CHD1: variants seen among roughly 807,000 people sequenced by gnomAD.
CHD1 encodes the protein ATP-dependent chromatin remodeler CHD1.
A neutral mutation model predicts 224.2 loss-of-function variants in CHD1; 36 were observed. That is an observed-to-expected ratio of 0.16 (90% CI 0.12 to 0.21). The LOEUF (loss-of-function observed/expected upper bound fraction) is 0.21. Among genes scored for constraint, CHD1 ranks in the 10% least tolerant of loss-of-function variants. CHD1 has a pLI of 1.00. For synonymous variants in CHD1, 668 were observed against 658.3 expected (o/e 1.01, Z -0.23); for missense variants, 1,378 against 1,994.8 (o/e 0.69, Z 5.89).
chr5:98,876,666 A>G (rs1749786252), intron 23 of CHD1, 108 bp from the exon 24 acceptor site: 2 of 911,624 alleles, frequency 2.2e-6, no homozygotes, highest in Non-Finnish European at 3.3e-6. Context: ...TATTAAATGT[A>G]TCAAAAACAT....
intron 2 of CHD1, among the ~76,000 whole-genome samples, chr5:98,913,300 A>G (rs907206095): frequency 6.6e-6 from 1 of 152,122 alleles, no homozygotes; most frequent in Non-Finnish European, 1.5e-5. Context: ...ATGAGATCCC[A>G]TCTCTACAAA....
In CHD1 at chr5:98,856,435, T is replaced by G. The variant is rs1049198675; in HGVS notation, c.5078A>C (p.His1693Pro). 2 of 1,611,220 alleles carry G rather than the reference T, an allele frequency of 1.2e-6. No homozygotes were observed. Among genetic ancestry groups the G allele is most frequent in the African/African-American group, 2.7e-5 (2 of 73,626 alleles). ...CGGTGTACTTTTGTGTTCAACTGAA[T>G]GTTCAAATGGAGATCTGGAGCCATA... ...SPYGSRSPFE[H>P]SVEHKSTPEH... Residue 1693 changes from histidine (H) to proline (P), a missense_variant, in exon 36 of 36, where the codon CAT becomes CCT. This residue lies in a region of CHD1 where 278 missense variants were observed against 298.5 expected (regional missense o/e 0.93). Coordinates refer to ENST00000614616, the MANE Select transcript of CHD1 (RefSeq NM_001270.4).
At chr5:98,921,531 C>T (rs926426425) in intron 2 of CHD1, among the ~76,000 whole-genome samples, 5 of 152,128 alleles carry the variant, frequency 3.3e-5, no homozygotes, top group African/African-American at 9.7e-5. Context: ...CGCTGGTCCA[C>T]GGACCACAAC....
At position 98,873,602 on chromosome 5, in the gene CHD1, C is replaced by G; in HGVS notation, c.3562G>C (p.Glu1188Gln). ...CTCAGTTTAATGTTACCTGTTCGTT[C>G]TGTTCCTGAAGAACTATCCTTTAAT... ...KALKDSSSGT[E>Q]RTGGRLGKVK... Residue 1188 changes from glutamate to glutamine, a missense_variant, in exon 26 of 36, where the codon GAA (glutamate) becomes CAA (glutamine). Physicochemically the swap from Glu to Gln is conservative, Grantham distance 29 (BLOSUM62 2). This residue lies in a region of CHD1 where 286 missense variants were observed against 445.1 expected (regional missense o/e 0.64). Transcript: ENST00000614616. 3.8e-6 allele frequency: 6 copies of G among 1,595,170 alleles called. No individual in the cohort carries two copies. In the South Asian group the frequency reaches 4.6e-5, roughly 12 times the overall value.
chr5:98,879,753 G>T (rs756553487), intron 22 of CHD1, 25 bp from the exon 23 acceptor site: 27 of 1,511,596 alleles, frequency 1.8e-5, no homozygotes, highest in Non-Finnish European at 2.4e-5. Context: ...AATTTTAAGA[G>T]TAACTGTTAC....
Position 98,876,538 on chromosome 5 carries a change from T to G in CHD1, c.3258A>C (p.Glu1086Asp), listed in dbSNP as rs765291720. Residue 1086 changes from glutamate to aspartate, a missense_variant, in exon 24 of 36, where the codon GAA (glutamate) becomes GAC (aspartate). By Grantham distance (45) the Glu-to-Asp change is conservative. This residue lies in a region of CHD1 where 286 missense variants were observed against 445.1 expected (regional missense o/e 0.64). Transcript: ENST00000614616. ...CAKQISFNGS[E>D]GRRSRSRRYS... is the part of the protein sequence containing the mutation. ...ATCTCCTACTTCTACTGCGCCTCCCTTCACTTCCATTGAAACTAATCTGGA... is the reference window on the plus strand; with the variant it reads ...ATCTCCTACTTCTACTGCGCCTCCCGTCACTTCCATTGAAACTAATCTGGA... The G allele has an allele frequency of 6.2e-7, 1 of 1,613,578 alleles. No homozygotes were observed. Among genetic ancestry groups the G allele is most frequent in the Non-Finnish European group, 8.5e-7 (1 of 1,179,660 alleles).
At chr5:98,918,759 A>C (rs1752907122) in intron 2 of CHD1, among the ~76,000 whole-genome samples, 1 of 140,752 alleles carries the variant, frequency 7.1e-6, no homozygotes, top group East Asian at 2.0e-4. Flanking sequence ...TCTTCAAAAA[A>C]AAAAAAAAAC....
chr5:98,877,329 C>T (rs1749836643), intron 23 of CHD1, among the ~76,000 whole-genome samples: 1 of 152,142 alleles, frequency 6.6e-6, no homozygotes, highest in Non-Finnish European at 1.5e-5. Flanking sequence ...TAATACAACT[C>T]CAACTTAATT....
chr5:98,894,962 C>T (rs1187621827), intron 12 of CHD1, among the ~76,000 whole-genome samples: 2 of 151,914 alleles, frequency 1.3e-5, no homozygotes, highest in African/African-American at 4.8e-5. Flanking sequence ...GCTAGGATTA[C>T]AGGAATGCAC....
intron 30 of CHD1, chr5:98,869,522 G>A (rs779003916): frequency 4.6e-6 from 2 of 436,174 alleles, no homozygotes; most frequent in Non-Finnish European, 7.8e-6. Flanking sequence ...AAGGACCTTT[G>A]CTCTATGCCT....
chr5:98,872,286 T>C, intron 27 of CHD1, 85 bp from the exon 28 acceptor site: 2 of 1,487,474 alleles, frequency 1.3e-6, no homozygotes, highest in South Asian at 2.5e-5. Flanking sequence ...TCATTAGAAC[T>C]TCAAAATAAT....
In CHD1 at chr5:98,898,643, CTAGA is replaced by C; in HGVS notation, c.1186+17_1186+20del. The C allele has an allele frequency of 7.1e-7, 1 of 1,412,310 alleles. No individual in the cohort carries two copies. The highest frequency in any genetic ancestry group is 9.8e-7 in the Non-Finnish European group (1 of 1,016,548). 87.5% of individuals were successfully genotyped at this position (1,412,310 alleles called of 1,614,324 possible). Reference sequence around the variant, plus strand: ...TTTCAAGCATAAAAAGAAAGTTTAACTAGAATCATTTATCACTAACCAATTATAC... The same window carrying C: ...TTTCAAGCATAAAAAGAAAGTTTAACATCATTTATCACTAACCAATTATAC... On this transcript the variant is annotated intron_variant, in intron 9 of 35. Coordinates refer to ENST00000614616, the MANE Select transcript of CHD1 (RefSeq NM_001270.4).
At chr5:98,913,062 TAAAC>T (rs1468150917) in intron 2 of CHD1, among the ~76,000 whole-genome samples, 1 of 152,304 alleles carries the variant, frequency 6.6e-6, no homozygotes, top group African/African-American at 2.4e-5. Flanking sequence ...GAGCTATAAA[TAAAC>T]AAATCAAAGA....
At chr5:98,881,420 T>C (rs1750178694) in intron 20 of CHD1, 45 bp from the exon 21 acceptor site, 5 of 917,400 alleles carry the variant, frequency 5.5e-6, no homozygotes, top group Non-Finnish European at 8.2e-6. Context: ...CAGTTAAAAA[T>C]ATAACAGTTA....
intron 18 of CHD1, 124 bp from the exon 19 acceptor site, chr5:98,883,361 A>C (rs1381762471): frequency 5.9e-6 from 3 of 505,756 alleles, no homozygotes; most frequent in Admixed American, 3.8e-5. Context: ...AAGACCAATC[A>C]ACAAAAAGAC....
chr5:98,865,524 A>G (rs1748795633), intron 31 of CHD1, among the ~76,000 whole-genome samples: 1 of 152,248 alleles, frequency 6.6e-6, no homozygotes, highest in Non-Finnish European at 1.5e-5. Flanking sequence ...TCTATTTTAT[A>G]GAAGAAACTG....
At chr5:98,880,049 A>G (rs1307293520) in intron 22 of CHD1, among the ~76,000 whole-genome samples, 3 of 152,250 alleles carry the variant, frequency 2.0e-5, no homozygotes, top group Non-Finnish European at 2.9e-5. Flanking sequence ...ATCTGCAGAA[A>G]TTCTCAGACC....
At chr5:98,904,329 A>G (rs889493568) in intron 3 of CHD1, among the ~76,000 whole-genome samples, 1 of 152,116 alleles carries the variant, frequency 6.6e-6, no homozygotes, top group Admixed American at 6.5e-5. Context: ...CTGTGTGTCG[A>G]TTTATATTCT....
chr5:98,865,035 T>A (rs2112471134), intron 31 of CHD1, among the ~76,000 whole-genome samples: 1 of 152,182 alleles, frequency 6.6e-6, no homozygotes, highest in African/African-American at 2.4e-5. Context: ...AAATAGTATG[T>A]CAGATGACAA....
Sources: allele counts gnomAD v4.1 joint callset (sites outside exome capture counted in the v4.1 genomes callset), GRCh38; gene constraint gnomAD v4.1.1; regional missense constraint gnomAD v4.1.1; transcripts MANE v1.5; gene names NCBI Gene and HGNC (gene_info 2026-07-23, HGNC 2026-07-21).